The following TMEM266 variants were observed in gnomAD, a reference collection of about 807,000 sequenced individuals.
TMEM266 encodes the protein Hv1 related protein 1.
In TMEM266, 33 loss-of-function variants were observed where a neutral mutation model predicts 50.5. The observed-to-expected ratio is 0.65, with a 90% CI of 0.50 to 0.87. The LOEUF is 0.87. Among genes scored for constraint, TMEM266 ranks in the 40% least tolerant of loss-of-function variants. TMEM266 has a pLI of 0.00. For missense variants in TMEM266, 655 were observed against 695.1 expected (o/e 0.94, Z 0.65); for synonymous variants, 310 against 292.3 (o/e 1.06, Z -0.62).
At chr15:76,099,262 A>G (rs916517939) in intron 1 of TMEM266, among the ~76,000 whole-genome samples, 3 of 152,198 alleles carry the variant, frequency 2.0e-5, no homozygotes, top group African/African-American at 7.2e-5. Flanking sequence ...AGACAGTGGG[A>G]CAAGTGCAGT....
intron 1 of TMEM266, among the ~76,000 whole-genome samples, chr15:76,111,237 TGCCCAGCTAATTTTTGTATTTTTA>T (rs1235900260): frequency 6.6e-6 from 1 of 152,084 alleles, no homozygotes; most frequent in Non-Finnish European, 1.5e-5. Flanking sequence ...TGCGCCACAA[TGCCCAGCTAATTTTTGTATTTTTA>T]GCAGAGACAG....
chr15:76,069,454 A>G (rs2036501636), intron 1 of TMEM266, among the ~76,000 whole-genome samples: 1 of 152,134 alleles, frequency 6.6e-6, no homozygotes. Flanking sequence ...AAGAGGATAG[A>G]CTGTCAGAGC....
intron 1 of TMEM266, among the ~76,000 whole-genome samples, chr15:76,123,058 A>G (rs2037367618): frequency 6.6e-6 from 1 of 152,220 alleles, no homozygotes; most frequent in South Asian, 2.1e-4. Flanking sequence ...AGTGAAAAAG[A>G]GCAAACAATA....
intron 1 of TMEM266, among the ~76,000 whole-genome samples, chr15:76,108,567 G>C (rs1420179457): frequency 6.6e-6 from 1 of 152,108 alleles, no homozygotes; most frequent in African/African-American, 2.4e-5. Flanking sequence ...TGCTGGACCC[G>C]GGACCGCACT....
chr15:76,158,165 C>T (rs976837678), intron 4 of TMEM266, among the ~76,000 whole-genome samples: 1 of 152,172 alleles, frequency 6.6e-6, no homozygotes, highest in Non-Finnish European at 1.5e-5. Context: ...TTTATGGGAT[C>T]CTGTGAACTC....
intron 4 of TMEM266, among the ~76,000 whole-genome samples, chr15:76,157,998 GTAAATAAATAAATAAA>G (rs71444968): frequency 1.3e-5 from 2 of 150,400 alleles, no homozygotes; most frequent in Non-Finnish European, 3.0e-5. Flanking sequence ...AAATAAATAA[GTAAATAAATAAATAAA>G]TAAATAAATA....
At chr15:76,104,061 G>C (rs1297756691) in intron 1 of TMEM266, among the ~76,000 whole-genome samples, 1 of 151,812 alleles carries the variant, frequency 6.6e-6, no homozygotes, top group African/African-American at 2.4e-5. Flanking sequence ...CAAAAAATTA[G>C]CTGGGCATGG....
chr15:76,202,979 G>A (rs1469172422), intron 10 of TMEM266, among the ~76,000 whole-genome samples: 1 of 151,932 alleles, frequency 6.6e-6, no homozygotes, highest in Non-Finnish European at 1.5e-5. Context: ...CATCCAATAT[G>A]CTGGTTTCAA....
chr15:76,078,985 C>T (rs1264478267), intron 1 of TMEM266, among the ~76,000 whole-genome samples: 2 of 152,194 alleles, frequency 1.3e-5, no homozygotes, highest in Non-Finnish European at 1.5e-5. Context: ...AAGGCCCTCT[C>T]TTCTCTGCCC....
At chr15:76,150,633 C>T (rs1286396122) in intron 3 of TMEM266, among the ~76,000 whole-genome samples, 2 of 152,166 alleles carry the variant, frequency 1.3e-5, no homozygotes, top group Non-Finnish European at 2.9e-5. Flanking sequence ...CACTGCAGAC[C>T]AATTGCATAG....
At chr15:76,072,008 G>T (rs1056554319) in intron 1 of TMEM266, among the ~76,000 whole-genome samples, 2 of 152,080 alleles carry the variant, frequency 1.3e-5, no homozygotes, top group Non-Finnish European at 2.9e-5. Context: ...TCATCAAGGG[G>T]CAGGGAAGAG....
chr15:76,072,732 G>A (rs371809573), intron 1 of TMEM266, among the ~76,000 whole-genome samples: 1 of 151,868 alleles, frequency 6.6e-6, no homozygotes, highest in Non-Finnish European at 1.5e-5. Context: ...CTGCCTCCCG[G>A]GTTCAAGCTA....
chr15:76,089,835 A>G (rs1393130914), intron 1 of TMEM266, among the ~76,000 whole-genome samples: 1 of 152,152 alleles, frequency 6.6e-6, no homozygotes, highest in Admixed American at 6.5e-5. Flanking sequence ...AGAGAAGATG[A>G]TGAAACTCCA....
chr15:76,082,428 G>A (rs965643068), intron 1 of TMEM266, among the ~76,000 whole-genome samples: 1 of 152,202 alleles, frequency 6.6e-6, no homozygotes, highest in African/African-American at 2.4e-5. Context: ...TATTCCAAGA[G>A]TTGGTCAGGA....
At chr15:76,134,369 T>A (rs2037559482) in intron 2 of TMEM266, 68 bp downstream of exon 2, 2 of 1,541,820 alleles carry the variant, frequency 1.3e-6, no homozygotes, top group South Asian at 1.1e-5. Context: ...AAGATGAAGA[T>A]CTTCTAATTT....
At chr15:76,086,508 A>G (rs1260620595) in intron 1 of TMEM266, among the ~76,000 whole-genome samples, 1 of 152,222 alleles carries the variant, frequency 6.6e-6, no homozygotes, top group Non-Finnish European at 1.5e-5. Flanking sequence ...GCAAGGAAAG[A>G]ATGAAGCAAC....
rs1473851164 is a variant in TMEM266, at chr15:76,192,034, G to A, written c.835G>A (p.Ala279Thr). Residue 279 changes from alanine (A) to threonine (T), a missense_variant, in exon 9 of 11, where the codon GCG (alanine) becomes ACG (threonine). By Grantham distance (58) the Ala-to-Thr change is moderately conservative. Transcript: ENST00000388942. The stretch of plus-strand genomic sequence containing the variant: ...CCTGGACCTGGCTGCCGAGCGCGAA[G>A]CGGCGCTCCAGGCCCCGCACGTGCT... The A allele has an allele frequency of 1.3e-6, 2 of 1,566,034 alleles. No individual in the cohort carries two copies. The highest frequency in any genetic ancestry group is 3.7e-5 in the Admixed American group (2 of 54,770).
At chr15:76,096,078 T>G (rs1484403447) in intron 1 of TMEM266, among the ~76,000 whole-genome samples, 1 of 152,082 alleles carries the variant, frequency 6.6e-6, no homozygotes, top group Non-Finnish European at 1.5e-5. Context: ...CTGGATTCAT[T>G]GATTTTTTGA....
intron 1 of TMEM266, among the ~76,000 whole-genome samples, chr15:76,133,069 C>A (rs2037536309): frequency 6.6e-6 from 1 of 151,940 alleles, no homozygotes; most frequent in Non-Finnish European, 1.5e-5. Context: ...GTCAAGGCTG[C>A]AGTGAGCCAA....
Sources: allele counts gnomAD v4.1 joint callset (sites outside exome capture counted in the v4.1 genomes callset), GRCh38; gene constraint gnomAD v4.1.1; transcripts MANE v1.5; gene names NCBI Gene and HGNC (gene_info 2026-07-23, HGNC 2026-07-21).